Variants in NMT1 observed in about 807,000 individuals in gnomAD.
NMT1 encodes the protein N-myristoyltransferase 1.
A neutral mutation model predicts 63.4 loss-of-function variants in NMT1; 12 were observed. The observed-to-expected ratio is 0.19, with a 90% CI of 0.12 to 0.31. NMT1 has a LOEUF of 0.31. Among genes scored for constraint, NMT1 ranks in the 10% least tolerant of loss-of-function variants. NMT1 has a pLI of 1.00. For missense variants in NMT1, 432 were observed against 634.6 expected, an observed-to-expected ratio of 0.68 and a Z score of 3.43; for synonymous variants, 228 against 234.3, an observed-to-expected ratio of 0.97 and a Z score of 0.25.
chr17:45,064,863 C>T (rs2053891342), intron 1 of NMT1, among the ~76,000 whole-genome samples: 2 of 152,036 alleles, frequency 1.3e-5, no homozygotes. Context: ...ACTTAACAGT[C>T]CTGTGACCTT....
chr17:45,102,895 G>A (rs2054176945), intron 8 of NMT1, 56 bp from the exon 9 acceptor site: 1 of 1,517,672 alleles, frequency 6.6e-7, no homozygotes, highest in Non-Finnish European at 9.0e-7. Flanking sequence ...TCCTTGCCAT[G>A]GATAGATCCA....
Position 45,081,769 on chromosome 17 carries a change from G to T in NMT1, c.240+17G>T. 6.5e-7 allele frequency: 1 copy of T among 1,529,550 alleles called. No homozygotes were observed. The highest frequency in any genetic ancestry group is 1.2e-5 in the South Asian group (1 of 82,024). 94.7% of individuals were successfully genotyped at this position (1,529,550 alleles called of 1,614,324 possible). The stretch of plus-strand genomic sequence containing the variant: ...CCTGTGAAGGTAACAAGGAGGTTCT[G>T]TTTTTTGTGACTCAGTCACTTTTTC... On this transcript the variant is annotated intron_variant, in intron 2 of 11. Transcript: ENST00000258960.
chr17:45,098,280 G>A (rs1312200264), intron 6 of NMT1, 102 bp from the exon 7 acceptor site: 2 of 1,086,628 alleles, frequency 1.8e-6, no homozygotes, highest in Non-Finnish European at 2.7e-6. Flanking sequence ...GTACACCCGT[G>A]CTGCAGACCT....
Position 45,105,654 on chromosome 17 carries a change from G to A in NMT1, c.*15G>A, listed in dbSNP as rs370761943. On this transcript the variant is annotated 3_prime_UTR_variant, in exon 12 of 12. Transcript: ENST00000258960. The surrounding 1 kb of genome is among the most constrained non-coding windows in gnomAD (Gnocchi z 4.2). ...TGCTACAATAACCAGTCACCAGTGC[G>A]ATTCTGGATAAAGCCACTGAAAATT... 6.8e-6 allele frequency: 11 copies of A among 1,611,480 alleles called. No homozygotes were observed. The highest frequency in any genetic ancestry group is 4.0e-5 in the African/African-American group (3 of 74,774).
intron 1 of NMT1, among the ~76,000 whole-genome samples, chr17:45,078,655 T>TTTTG (rs891708690): frequency 7.2e-5 from 11 of 151,942 alleles, no homozygotes; most frequent in South Asian, 2.1e-4. Flanking sequence ...TTTGGTGTTT[T>TTTTG]TTTGTTTGTT....
At chr17:45,098,329 A>T in intron 6 of NMT1, 53 bp from the exon 7 acceptor site, 15 of 1,567,754 alleles carry the variant, frequency 9.6e-6, no homozygotes, top group Admixed American at 1.7e-5. Flanking sequence ...TGATGGGATC[A>T]CCATTCCCTT....
chr17:45,061,340 AGAGT>A lies in NMT1; in HGVS notation c.15_18del (p.Ser5ArgfsTer4). ...CTCTCGCAACTCAAGATGGCGGACG[AGAGT>A]GAGACAGCAGTGAAGCCGCCGGCAC... is the stretch of plus-strand genomic sequence containing the variant. On this transcript the variant is annotated frameshift_variant, in exon 1 of 12. Transcript: ENST00000258960. LOFTEE classifies it high-confidence loss of function. 6.2e-7 allele frequency: 1 copy of A among 1,613,824 alleles called. No homozygotes were observed. Among genetic ancestry groups the A allele is most frequent in the Non-Finnish European group, 8.5e-7 (1 of 1,179,896 alleles).
chr17:45,082,083 A>G (rs2054020490), intron 2 of NMT1, among the ~76,000 whole-genome samples: 1 of 152,122 alleles, frequency 6.6e-6, no homozygotes, highest in Non-Finnish European at 1.5e-5. Flanking sequence ...CTCTGTCTTA[A>G]GTCCCCACCG....
chr17:45,080,221 C>T (rs141519538), intron 1 of NMT1, among the ~76,000 whole-genome samples: 3 of 151,520 alleles, frequency 2.0e-5, no homozygotes, highest in East Asian at 1.9e-4. Context: ...AGTGCCGTGG[C>T]GCGATCTTGG....
chr17:45,102,379 G>C (rs2054172377), intron 8 of NMT1, among the ~76,000 whole-genome samples: 1 of 152,172 alleles, frequency 6.6e-6, no homozygotes, highest in Non-Finnish European at 1.5e-5. Flanking sequence ...CGCTGACTGG[G>C]GATAAAATCC....
At chr17:45,071,097 A>G (rs1246038377) in intron 1 of NMT1, among the ~76,000 whole-genome samples, 1 of 152,198 alleles carries the variant, frequency 6.6e-6, no homozygotes, top group African/African-American at 2.4e-5. Flanking sequence ...TAATAGGATT[A>G]TTAGTGAACT....
rs1490514482 is a variant in NMT1, at chr17:45,107,423, GTGACTGACGTTTGCTCCT to G, written c.*1790_*1807del. 6.6e-6 allele frequency: 1 copy of G among 152,634 alleles called. No individual in the cohort carries two copies. The highest frequency in any genetic ancestry group is 2.4e-5 in the African/African-American group (1 of 41,432). 9.5% of individuals were successfully genotyped at this position (152,634 alleles called of 1,614,324 possible). ...CTGCAAATTGCAGGCCCCAGCAATCGTGACTGACGTTTGCTCCTTGACTCCAAGAAACTGAGACCAAAG... is the reference window on the plus strand; with the variant it reads ...CTGCAAATTGCAGGCCCCAGCAATCGTGACTCCAAGAAACTGAGACCAAAG... On this transcript the variant is annotated 3_prime_UTR_variant, in exon 12 of 12. Transcript: ENST00000258960.
intron 3 of NMT1, 50 bp from the exon 4 acceptor site, chr17:45,093,635 C>A (rs1486634314): frequency 1.3e-6 from 2 of 1,500,154 alleles, no homozygotes; most frequent in Non-Finnish European, 1.8e-6. Context: ...GAGCCCTTTA[C>A]TGCCCCGAGG....
rs531349156 is a variant in NMT1 at position 45,089,868 on chromosome 17, G to A, written c.385+3216G>A. ...GACCAGGCTGGTCTCAAACTCCTAG[G>A]CTCAAGCTGTCCTCCTGTCTTAGCC... is the stretch of plus-strand genomic sequence containing the variant. On this transcript the variant is annotated intron_variant, in intron 3 of 11. Transcript: ENST00000258960. Among the ~76,000 whole-genome samples the A allele has an allele frequency of 4.0e-5, 6 of 151,888 alleles. No individual in the cohort carries two copies. The South Asian group carries it at 1.2e-3, about 32-fold the overall frequency.
chr17:45,099,540 G>C (rs190201082), intron 8 of NMT1, 27 bp downstream of exon 8: 4 of 1,529,192 alleles, frequency 2.6e-6, no homozygotes, highest in East Asian at 4.5e-5. Context: ...GTGGTGGGCA[G>C]GGGGCAGAGA....
intron 8 of NMT1, among the ~76,000 whole-genome samples, chr17:45,100,306 C>T (rs2054153209): frequency 6.6e-6 from 1 of 152,036 alleles, no homozygotes; most frequent in African/African-American, 2.4e-5. Context: ...GTGGCTCACG[C>T]CTGTAATCCC....
At chr17:45,098,700 G>T (rs2054142058) in intron 7 of NMT1, 148 bp downstream of exon 7, 2 of 690,436 alleles carry the variant, frequency 2.9e-6, no homozygotes, top group African/African-American at 3.6e-5. Context: ...GCAGGAGCCA[G>T]ATGGGGAGCA....
chr17:45,069,183 ACTCCTGAC>A (rs1416372219), intron 1 of NMT1, among the ~76,000 whole-genome samples: 1 of 115,740 alleles, frequency 8.6e-6, no homozygotes, highest in African/African-American at 3.4e-5. Context: ...CTGGTCTTGA[ACTCCTGAC>A]CTCGTGATCC....
chr17:45,101,596 C>T (rs1163833483), intron 8 of NMT1, among the ~76,000 whole-genome samples: 13 of 124,958 alleles, frequency 1.0e-4, no homozygotes, highest in Admixed American at 3.1e-4. Context: ...TCCAGCCTGG[C>T]GACAGAGCAA....
Sources: gnomAD v4.1 joint callset for allele counts (sites outside exome capture counted in the v4.1 genomes callset) on GRCh38, gnomAD v4.1.1 for gene constraint, Gnocchi (gnomAD v3.1) non-coding constraint, MANE v1.5 for transcripts, NCBI Gene and HGNC (gene_info 2026-07-23, HGNC 2026-07-21) for gene names.